Variants in PGBD1 observed in about 807,000 individuals in gnomAD.
The protein encoded by PGBD1 is piggyBac transposable element-derived protein 1.
A neutral mutation model predicts 34.7 loss-of-function variants in PGBD1; 25 were observed. The ratio of observed to expected loss-of-function variants is 0.72; its 90% CI spans 0.52 to 1.00. The LOEUF is 1.00. Among genes scored for constraint, PGBD1 ranks in the 50% least tolerant of loss-of-function variants. PGBD1 has a pLI of 0.00. For synonymous variants in PGBD1, 292 were observed against 335.7 expected (o/e 0.87, Z 1.42); for missense variants, 830 against 959.4 (o/e 0.87, Z 1.78).
In PGBD1 at chr6:28,302,220, C is replaced by A; in HGVS notation, c.2366C>A (p.Pro789His). 1 of 1,614,022 alleles carries A rather than the reference C, an allele frequency of 6.2e-7. No homozygotes were observed. The highest frequency in any genetic ancestry group is 1.6e-4 in the Middle Eastern group (1 of 6,062). Residue 789 changes from proline to histidine, a missense_variant, in exon 7 of 7, where the codon CCC (proline) becomes CAC (histidine). Around this residue, in one of 3 missense-constraint regions of PGBD1, gnomAD observed 372 missense variants for 427.9 expected, o/e 0.87. Transcript: ENST00000682144. ...TGTAACCCAGGTGCTTCTCTAGACC[C>A]CTTGGATTTTCGGAGATTTGTTGCA... ...RACNPGASLD[P>H]LDFRRFVAHF...
chr6:28,291,983 A>C (rs1396777055), intron 4 of PGBD1, among the ~76,000 whole-genome samples: 2 of 152,190 alleles, frequency 1.3e-5, no homozygotes, highest in African/African-American at 4.8e-5. Context: ...ACCTACAGCT[A>C]ACATCAAACT....
At chr6:28,297,832 T>G (rs888897505) in intron 5 of PGBD1, 63 bp from the exon 6 acceptor site, 7 of 309,642 alleles carry the variant, frequency 2.3e-5, no homozygotes, top group African/African-American at 6.9e-5. Context: ...TTTTTTTTTT[T>G]TTTTTTTTTT....
rs3800324 is a variant in PGBD1, at chr6:28,296,904, G to A, written c.731G>A (p.Gly244Glu). ...HLSLTRRNLCGNSAQETVMSL... is the reference protein window; with the variant it reads ...HLSLTRRNLCENSAQETVMSL... Reference sequence around the variant, plus strand: ...AGTCTGACTCGGAGGAACCTCTGTGGGAACTCAGCTCAGGAGACAGTTATG... The same window carrying A: ...AGTCTGACTCGGAGGAACCTCTGTGAGAACTCAGCTCAGGAGACAGTTATG... Residue 244 changes from glycine (G) to glutamate (E), a missense_variant, in exon 5 of 7, where the codon GGG (glycine) becomes GAG (glutamate). Physicochemically the swap from Gly to Glu is moderately conservative, Grantham distance 98. This residue lies in a region of PGBD1 where 457 missense variants were observed against 515.4 expected (regional missense o/e 0.89). Transcript: ENST00000682144. The A allele has an allele frequency of 0.064, 102,518 of 1,613,996 alleles. 5,597 individuals carry two copies. Among genetic ancestry groups the A allele is most frequent in the East Asian group, 0.32 (14,325 of 44,872 alleles).
chr6:28,284,728 C>T (rs1762237165), intron 2 of PGBD1, among the ~76,000 whole-genome samples: 1 of 152,022 alleles, frequency 6.6e-6, no homozygotes, highest in Non-Finnish European at 1.5e-5. Context: ...ACTATATTGC[C>T]CAGGCTGATC....
intron 6 of PGBD1, among the ~76,000 whole-genome samples, chr6:28,299,576 A>G (rs1762758142): frequency 6.6e-6 from 1 of 152,364 alleles, no homozygotes; most frequent in Admixed American, 6.5e-5. Context: ...TACATAAAGA[A>G]ATGTATGTAG....
intron 6 of PGBD1, 150 bp downstream of exon 6, chr6:28,298,141 A>C: frequency 1.5e-6 from 1 of 674,816 alleles, no homozygotes; most frequent in Non-Finnish European, 2.6e-6. Flanking sequence ...GTCCATGCCA[A>C]GAAAGTGACC....
intron 4 of PGBD1, among the ~76,000 whole-genome samples, chr6:28,292,375 A>C (rs955946636): frequency 1.6e-4 from 25 of 152,142 alleles, no homozygotes; most frequent in African/African-American, 5.8e-4. Context: ...AAATACTAAA[A>C]ATTTAAACAC....
intron 4 of PGBD1, among the ~76,000 whole-genome samples, chr6:28,289,553 A>G (rs779306675): frequency 6.6e-5 from 10 of 152,254 alleles, no homozygotes; most frequent in Non-Finnish European, 1.3e-4. Context: ...TATTACTGTA[A>G]TAGTGACATA....
At chr6:28,297,845 T>TTTAAAAAAAAAA in intron 5 of PGBD1, 50 bp from the exon 6 acceptor site, 4 of 283,634 alleles carry the variant, frequency 1.4e-5, no homozygotes, top group Non-Finnish European at 2.7e-5. Flanking sequence ...TTTTTTTTTT[T>TTTAAAAAAAAAA]CAAAATTCAC....
intron 2 of PGBD1, among the ~76,000 whole-genome samples, chr6:28,285,343 G>T (rs953715670): frequency 2.0e-5 from 3 of 152,132 alleles, no homozygotes; most frequent in Non-Finnish European, 4.4e-5. Flanking sequence ...ACATTTTGAG[G>T]TGGTGTACAT....
chr6:28,302,271 A>G lies in PGBD1; in HGVS notation c.2417A>G (p.His806Arg), dbSNP rs946302104. 1.2e-6 allele frequency: 2 copies of G among 1,611,770 alleles called. No individual in the cohort carries two copies. The highest frequency in any genetic ancestry group is 2.2e-5 in the South Asian group (2 of 90,932). Residue 806 changes from histidine (H) to arginine (R), a missense_variant, in exon 7 of 7, where the codon CAT (histidine) becomes CGT (arginine). By Grantham distance (29) the His-to-Arg change is conservative. Coordinates refer to ENST00000682144, the MANE Select transcript of PGBD1 (RefSeq NM_032507.4). The part of the protein sequence containing the change: ...VAHFYLEHNA[H>R]LSD ...CATTTCTACTTGGAACACAATGCTC[A>G]TCTGTCAGATTAGGGTACATAAAAT...
At position 28,281,767 on chromosome 6, in the gene PGBD1, A is replaced by G. The variant is rs767814881; in HGVS notation, c.-190A>G. The G allele has an allele frequency of 1.7e-4, 35 of 209,768 alleles. No individual in the cohort carries two copies. Among genetic ancestry groups the G allele is most frequent in the Non-Finnish European group, 3.1e-4 (33 of 106,374 alleles). 13.0% of individuals were successfully genotyped at this position (209,768 alleles called of 1,614,324 possible). Reference sequence around the variant, plus strand: ...TTGGTCCATTAACCAACAATTAGACACGCCGGTATTCAGTGCCTGGCGCGG... The same window carrying G: ...TTGGTCCATTAACCAACAATTAGACGCGCCGGTATTCAGTGCCTGGCGCGG... On this transcript the variant is annotated 5_prime_UTR_variant, in exon 1 of 7. Transcript: ENST00000682144.
In PGBD1 at chr6:28,302,305, T is replaced by C; in HGVS notation, c.*21T>C. On this transcript the variant is annotated 3_prime_UTR_variant, in exon 7 of 7. Transcript: ENST00000682144. The stretch of plus-strand genomic sequence containing the variant: ...ATTAGGGTACATAAAATGGACATAG[T>C]GCAGACATTAATAAGACATAGAAAA... 1 of 1,587,342 alleles carries C rather than the reference T, an allele frequency of 6.3e-7. No homozygotes were observed. Among genetic ancestry groups the C allele is most frequent in the South Asian group, 1.1e-5 (1 of 87,486 alleles).
chr6:28,290,376 G>GT (rs1394288736), intron 4 of PGBD1, among the ~76,000 whole-genome samples: 1 of 152,092 alleles, frequency 6.6e-6, no homozygotes, highest in Non-Finnish European at 1.5e-5. Context: ...GATTACAGGC[G>GT]TGAGACACCA....
intron 4 of PGBD1, among the ~76,000 whole-genome samples, chr6:28,296,029 ATG>A (rs1299909195): frequency 6.6e-6 from 1 of 152,250 alleles, no homozygotes; most frequent in Admixed American, 6.5e-5. Flanking sequence ...AGATTGGAAA[ATG>A]AGAGAAAATC....
rs373711744 is a variant in PGBD1, at chr6:28,301,927, G to A, written c.2073G>A (p.Gly691=). ...NNEIILCRWY[G]DGIISLCSNA... is the part of the protein sequence containing the mutation. ...AGATAATTTTGTGTCGTTGGTATGG[G>A]GATGGCATTATCAGTCTGTGCTCCA... is the stretch of plus-strand genomic sequence containing the variant. Residue 691 remains glycine (G), a synonymous_variant, in exon 7 of 7, where the codon GGG becomes GGA. Transcript: ENST00000682144. 6.2e-7 allele frequency: 1 copy of A among 1,614,016 alleles called. No homozygotes were observed. Among genetic ancestry groups the A allele is most frequent in the African/African-American group, 1.3e-5 (1 of 74,904 alleles).
At position 28,285,694 on chromosome 6, in the gene PGBD1, C is replaced by T. The variant is rs370190642; in HGVS notation, c.540C>T (p.Pro180=). 5.3e-5 allele frequency: 86 copies of T among 1,613,388 alleles called. No homozygotes were observed. The highest frequency in any genetic ancestry group is 1.4e-5 in the Non-Finnish European group (17 of 1,179,890). ...CTCCACAGCGTCCTCAAGGGAACCCCCAAGAAGTGAGTGGTGAGTGCTCGA... is the reference window on the plus strand; with the variant it reads ...CTCCACAGCGTCCTCAAGGGAACCCTCAAGAAGTGAGTGGTGAGTGCTCGA... ...CEPPQRPQGN[P]QEVSGPVPHG... The change falls in exon 3 of 7, where the codon CCC becomes CCT. Residue 180 remains proline (P), a synonymous_variant. Transcript: ENST00000682144.
chr6:28,289,357 T>C (rs749789241), intron 4 of PGBD1, among the ~76,000 whole-genome samples: 2 of 152,202 alleles, frequency 1.3e-5, no homozygotes, highest in Non-Finnish European at 2.9e-5. Context: ...ATCTTTCATA[T>C]ATGAAGGAGA....
chr6:28,284,307 G>A, intron 2 of PGBD1, 98 bp downstream of exon 2: 1 of 1,290,008 alleles, frequency 7.8e-7, no homozygotes, highest in Non-Finnish European at 1.0e-6. Context: ...CTAATTTATA[G>A]AAGTATTAGA....
Sources: allele counts gnomAD v4.1 joint callset (sites outside exome capture counted in the v4.1 genomes callset), GRCh38; gene constraint gnomAD v4.1.1; regional missense constraint gnomAD v4.1.1; transcripts MANE v1.5; gene names NCBI Gene and HGNC (gene_info 2026-07-23, HGNC 2026-07-21).